Variants in MYZAP observed in about 807,000 individuals in gnomAD.
MYZAP encodes myocardial zonula adherens protein.
MYZAP carries 66 observed loss-of-function variants against 69.4 expected under a neutral mutation model. That is an observed-to-expected ratio of 0.95 (90% CI 0.78 to 1.17). MYZAP has a LOEUF of 1.17. MYZAP is among the 50% of genes most tolerant of loss of function. MYZAP has a pLI of 0.00. For synonymous variants in MYZAP, 256 were observed against 205.9 expected (o/e 1.24, Z -2.09); for missense variants, 611 against 556.2 (o/e 1.10, Z -0.99).
chr15:57,630,116 G>A (rs144097277), intron 6 of MYZAP, among the ~76,000 whole-genome samples: 411 of 152,142 alleles, frequency 2.7e-3, no homozygotes, highest in African/African-American at 9.5e-3. Flanking sequence ...TTACAGGCAC[G>A]TGCCACCTTG....
intron 3 of MYZAP, among the ~76,000 whole-genome samples, chr15:57,618,493 A>T (rs919457281): frequency 6.6e-6 from 1 of 152,052 alleles, no homozygotes; most frequent in Non-Finnish European, 1.5e-5. Context: ...TCTTTATTGC[A>T]CTTACCAGTC....
chr15:57,658,229 T>C (rs1452819093), intron 10 of MYZAP, among the ~76,000 whole-genome samples: 2 of 152,186 alleles, frequency 1.3e-5, no homozygotes, highest in African/African-American at 4.8e-5. Context: ...TTCCTCTTTT[T>C]TCCCCTCTTG....
At chr15:57,620,038 T>C (rs2035714189) in intron 3 of MYZAP, among the ~76,000 whole-genome samples, 1 of 151,718 alleles carries the variant, frequency 6.6e-6, no homozygotes, top group African/African-American at 2.4e-5. Flanking sequence ...GGGAGGGACA[T>C]GCAGCTCAAG....
At chr15:57,652,399 G>T (rs1159843009) in intron 10 of MYZAP, among the ~76,000 whole-genome samples, 1 of 152,042 alleles carries the variant, frequency 6.6e-6, no homozygotes, top group Non-Finnish European at 1.5e-5. Context: ...AATAGGCTGA[G>T]CTTTTTTCTT....
intron 10 of MYZAP, among the ~76,000 whole-genome samples, chr15:57,640,814 A>C (rs901682388): frequency 6.6e-6 from 1 of 152,236 alleles, no homozygotes; most frequent in African/African-American, 2.4e-5. Context: ...TCTGGGGAGC[A>C]GTGGAATAGC....
chr15:57,673,155 G>A (rs2038948506), intron 11 of MYZAP, among the ~76,000 whole-genome samples: 1 of 152,178 alleles, frequency 6.6e-6, no homozygotes, highest in Admixed American at 6.5e-5. Flanking sequence ...GAGTTCCCAT[G>A]AAATAGAACA....
At chr15:57,681,784 C>CA (rs1171452868) in intron 12 of MYZAP, among the ~76,000 whole-genome samples, 155 of 139,562 alleles carry the variant, frequency 1.1e-3, no homozygotes, top group Middle Eastern at 3.6e-3. Context: ...GATTTGGTCT[C>CA]AAAAAAAAAA....
chr15:57,594,646 T>C (rs951298221), intron 1 of MYZAP, among the ~76,000 whole-genome samples: 3 of 152,162 alleles, frequency 2.0e-5, no homozygotes, highest in Non-Finnish European at 4.4e-5. Context: ...CCATCTAGGT[T>C]TGTGTAAGTG....
At chr15:57,610,992 C>T (rs534060353) in intron 2 of MYZAP, among the ~76,000 whole-genome samples, 71 of 152,114 alleles carry the variant, frequency 4.7e-4, no homozygotes, top group Non-Finnish European at 4.3e-4. Context: ...AGAAGGTGGA[C>T]GGACAGACAG....
chr15:57,621,761 C>G (rs2035834045), intron 4 of MYZAP, 61 bp downstream of exon 4: 2 of 1,525,608 alleles, frequency 1.3e-6, no homozygotes, highest in Middle Eastern at 3.4e-4. Flanking sequence ...AGTGGTCCCT[C>G]AGTGGCTAGT....
Position 57,604,311 on chromosome 15 carries a change from C to G in MYZAP, c.118C>G (p.Pro40Ala), listed in dbSNP as rs1251370509. 1.2e-6 allele frequency: 2 copies of G among 1,614,184 alleles called. No homozygotes were observed. The highest frequency in any genetic ancestry group is 3.3e-5 in the Admixed American group (2 of 60,026). The part of the protein sequence containing the change: ...RLRLTVPPES[P>A]VPEQCEKKIE... ...ACGGCTGACCGTACCTCCTGAGAGT[C>G]CAGTTCCTGAGCAATGTGAAAAGAA... The change falls in exon 2 of 13, where the codon CCA becomes GCA. Residue 40 changes from proline (P) to alanine (A), a missense_variant. Coordinates refer to ENST00000267853, the MANE Select transcript of MYZAP (RefSeq NM_001018100.5).
intron 2 of MYZAP, among the ~76,000 whole-genome samples, chr15:57,613,112 T>G (rs2035215133): frequency 6.6e-6 from 1 of 151,908 alleles, no homozygotes; most frequent in African/African-American, 2.4e-5. Flanking sequence ...TTTTGTATTT[T>G]TATTAGAGAT....
Position 57,621,694 on chromosome 15 carries a change from A to G in MYZAP, c.405A>G (p.Glu135=). The G allele has an allele frequency of 1.2e-6, 2 of 1,613,760 alleles. No individual in the cohort carries two copies. The highest frequency in any genetic ancestry group is 1.3e-5 in the African/African-American group (1 of 75,038). ...AGAAGATTCGACAGCTCACCCAGGA[A>G]CTATCAGTAAGTCATTATCTCAGTT... ...MRQKIRQLTQ[E]LSVSHAQQEY... is the part of the protein sequence containing the mutation. Residue 135 remains glutamate (E), a synonymous_variant, in exon 4 of 13, where the codon GAA becomes GAG. Coordinates refer to ENST00000267853, the MANE Select transcript of MYZAP (RefSeq NM_001018100.5).
At chr15:57,619,049 G>A (rs1383962529) in intron 3 of MYZAP, among the ~76,000 whole-genome samples, 4 of 152,168 alleles carry the variant, frequency 2.6e-5, no homozygotes, top group African/African-American at 9.7e-5. Flanking sequence ...CTCTGTGCAG[G>A]CTTCAGTCCT....
intron 11 of MYZAP, among the ~76,000 whole-genome samples, 170 bp from the exon 12 acceptor site, chr15:57,674,798 C>G (rs563295248): frequency 2.6e-5 from 4 of 152,330 alleles, no homozygotes; most frequent in Admixed American, 2.6e-4. Flanking sequence ...TGTATGCATT[C>G]AGTCAATCTA....
In MYZAP at chr15:57,658,872, T is replaced by G. The variant is rs531893313; in HGVS notation, c.1120-2578T>G. On this transcript the variant is annotated intron_variant, in intron 10 of 12. Coordinates refer to ENST00000267853, the MANE Select transcript of MYZAP (RefSeq NM_001018100.5). Reference sequence around the variant, plus strand: ...CATTATTTCATAGAAATTGCAAAATTGTGATTTTCTAATTCTGTCATTCCT... The same window carrying G: ...CATTATTTCATAGAAATTGCAAAATGGTGATTTTCTAATTCTGTCATTCCT... Among the ~76,000 whole-genome samples, 13 of 152,298 alleles carry G rather than the reference T, an allele frequency of 8.5e-5. No individual in the cohort carries two copies. The South Asian group carries it at 2.7e-3, about 32-fold the overall frequency.
At chr15:57,606,482 T>G (rs1187418930) in intron 2 of MYZAP, among the ~76,000 whole-genome samples, 1 of 149,982 alleles carries the variant, frequency 6.7e-6, no homozygotes, top group Non-Finnish European at 1.5e-5. Context: ...TTAAATGTAA[T>G]GAGTGAACCT....
chr15:57,660,730 C>T (rs187572590), intron 10 of MYZAP, among the ~76,000 whole-genome samples: 1 of 152,276 alleles, frequency 6.6e-6, no homozygotes, highest in South Asian at 2.1e-4. Context: ...ATGCATAACA[C>T]GGCCTGGTAC....
At chr15:57,601,428 C>G (rs1005023929) in intron 1 of MYZAP, among the ~76,000 whole-genome samples, 1 of 152,008 alleles carries the variant, frequency 6.6e-6, no homozygotes, top group Non-Finnish European at 1.5e-5. Context: ...CACTTTGATG[C>G]TTGTGCAAAT....
Sources: allele counts gnomAD v4.1 joint callset (sites outside exome capture counted in the v4.1 genomes callset), GRCh38; gene constraint gnomAD v4.1.1; transcripts MANE v1.5; gene names NCBI Gene and HGNC (gene_info 2026-07-23, HGNC 2026-07-21).